The following BICRAL variants were observed in gnomAD, a reference collection of about 807,000 sequenced individuals.
The protein encoded by BICRAL is BRD4-interacting chromatin-remodeling complex-associated protein-like.
In BICRAL, 8 loss-of-function variants were observed where a neutral mutation model predicts 91.8. The observed-to-expected ratio is 0.09, with a 90% CI of 0.05 to 0.16. BICRAL has a LOEUF of 0.16. Among genes scored for constraint, BICRAL ranks in the 10% least tolerant of loss-of-function variants. BICRAL has a pLI of 1.00. For synonymous variants in BICRAL, 445 were observed against 491.1 expected (o/e 0.91, Z 1.24); for missense variants, 1,038 against 1,310.9 (o/e 0.79, Z 3.21).
chr6:42,825,259 CAA>C (rs398001338), intron 5 of BICRAL, among the ~76,000 whole-genome samples: 10 of 52,756 alleles, frequency 1.9e-4, no homozygotes, highest in Admixed American at 2.4e-4. Context: ...GACTCTGTCT[CAA>C]AAAAAAAAAA....
At chr6:42,763,489 G>T (rs1562450427) in intron 1 of BICRAL, among the ~76,000 whole-genome samples, 1 of 152,142 alleles carries the variant, frequency 6.6e-6, no homozygotes, top group Non-Finnish European at 1.5e-5. Context: ...GGATTTTATT[G>T]TTTGCTATGA....
At chr6:42,790,805 C>G (rs1763250271) in intron 1 of BICRAL, among the ~76,000 whole-genome samples, 1 of 151,718 alleles carries the variant, frequency 6.6e-6, no homozygotes, top group South Asian at 2.1e-4. Context: ...TGGCATGGCT[C>G]TTGCTTGATG....
chr6:42,759,152 G>A (rs78459799), intron 1 of BICRAL, among the ~76,000 whole-genome samples: 1,553 of 152,290 alleles, frequency 0.01, 13 homozygotes, highest in Non-Finnish European at 0.014. Flanking sequence ...AAGTCACTGT[G>A]TCAGGAACTG....
At chr6:42,837,253 T>C (rs1162956949) in intron 6 of BICRAL, among the ~76,000 whole-genome samples, 1 of 152,054 alleles carries the variant, frequency 6.6e-6, no homozygotes, top group Non-Finnish European at 1.5e-5. Context: ...AGTTTTTCTG[T>C]GTAATATTTC....
At chr6:42,788,222 CTTT>C (rs11304715) in intron 1 of BICRAL, among the ~76,000 whole-genome samples, 5 of 113,374 alleles carry the variant, frequency 4.4e-5, no homozygotes, top group Admixed American at 9.6e-5. Context: ...GAGCAGCATT[CTTT>C]TTTTTTTTTT....
intron 6 of BICRAL, among the ~76,000 whole-genome samples, chr6:42,847,701 G>T (rs984528467): frequency 1.3e-5 from 2 of 152,118 alleles, no homozygotes; most frequent in African/African-American, 4.8e-5. Flanking sequence ...GAGGCAGGTG[G>T]ATCATGAAGT....
chr6:42,841,067 T>G (rs1205111733), intron 6 of BICRAL, among the ~76,000 whole-genome samples: 1 of 88,760 alleles, frequency 1.1e-5, no homozygotes, highest in Non-Finnish European at 2.0e-5. Context: ...AGAGCAAGAC[T>G]CAATCTTTAA....
At chr6:42,775,657 C>CTT (rs548746964) in intron 1 of BICRAL, among the ~76,000 whole-genome samples, 3 of 151,378 alleles carry the variant, frequency 2.0e-5, no homozygotes, top group African/African-American at 7.3e-5. Flanking sequence ...GTGCTGAATG[C>CTT]TTTTTTTTTA....
At chr6:42,747,348 C>T (rs562640483) in intron 1 of BICRAL, among the ~76,000 whole-genome samples, 4 of 152,312 alleles carry the variant, frequency 2.6e-5, no homozygotes, top group African/African-American at 4.8e-5. Context: ...AGGTTTCCTC[C>T]TTATATCCCC....
Position 42,822,807 on chromosome 6 carries a change from C to A in BICRAL, c.53C>A (p.Ala18Glu). Residue 18 changes from alanine to glutamate, a missense_variant, in exon 4 of 13, where the codon GCA becomes GAA. Around this residue, in one of 5 missense-constraint regions of BICRAL, gnomAD observed 115 missense variants for 121.5 expected, o/e 0.95. Coordinates refer to ENST00000314073, the MANE Select transcript of BICRAL (RefSeq NM_001393499.1). Reference sequence around the variant, plus strand: ...CCTCTCTTTTCTAGAGACCCACAAGCATTGAACTATTTTCTACATGGACCT... The same window carrying A: ...CCTCTCTTTTCTAGAGACCCACAAGAATTGAACTATTTTCTACATGGACCT... ...CLLDLIGDPQ[A>E]LNYFLHGPSN... 6.4e-7 allele frequency: 1 copy of A among 1,551,190 alleles called. No homozygotes were observed. The highest frequency in any genetic ancestry group is 8.9e-7 in the Non-Finnish European group (1 of 1,124,212).
At chr6:42,747,619 C>A (rs1046846972) in intron 1 of BICRAL, among the ~76,000 whole-genome samples, 7 of 152,154 alleles carry the variant, frequency 4.6e-5, no homozygotes, top group Admixed American at 1.3e-4. Flanking sequence ...GTGGCAGATT[C>A]CCCGCGCAGG....
At chr6:42,781,099 A>C (rs1385130878), upstream of BICRAL, among the ~76,000 whole-genome samples, 1 of 151,976 alleles carries the variant, frequency 6.6e-6, no homozygotes, top group Non-Finnish European at 1.5e-5. Context: ...CAACAATTTG[A>C]GATTTGAGAT....
chr6:42,826,258 A>G (rs1764299543), intron 5 of BICRAL, among the ~76,000 whole-genome samples: 1 of 133,548 alleles, frequency 7.5e-6, no homozygotes, highest in African/African-American at 2.6e-5. Flanking sequence ...TTTTGAGACA[A>G]GAGTCTCGCT....
upstream of BICRAL, among the ~76,000 whole-genome samples, chr6:42,781,233 A>C (rs1338383239): frequency 2.0e-5 from 3 of 152,170 alleles, no homozygotes; most frequent in Non-Finnish European, 4.4e-5. Context: ...TATCTACATA[A>C]AGAGAAGGCA....
At chr6:42,782,543 C>T (rs1330767928) in intron 1 of BICRAL, among the ~76,000 whole-genome samples, 2 of 150,216 alleles carry the variant, frequency 1.3e-5, no homozygotes, top group Non-Finnish European at 1.5e-5. Flanking sequence ...GGGGTGGGGG[C>T]CCGGCGCCTT....
chr6:42,759,038 G>T (rs1183646546), intron 1 of BICRAL, among the ~76,000 whole-genome samples: 1 of 152,226 alleles, frequency 6.6e-6, no homozygotes, highest in African/African-American at 2.4e-5. Context: ...AGGCTTTACA[G>T]CATCCTAATG....
intron 6 of BICRAL, among the ~76,000 whole-genome samples, chr6:42,848,394 G>A (rs895937141): frequency 5.9e-5 from 9 of 152,116 alleles, no homozygotes; most frequent in Admixed American, 4.6e-4. Context: ...CAGCCTCAGT[G>A]ACAGAGCAAG....
chr6:42,849,351 G>T (rs1389368374), intron 6 of BICRAL, among the ~76,000 whole-genome samples: 2 of 151,966 alleles, frequency 1.3e-5, no homozygotes, highest in Non-Finnish European at 2.9e-5. Context: ...CTCCCAAAGT[G>T]TCAGGATTAC....
intron 6 of BICRAL, among the ~76,000 whole-genome samples, chr6:42,842,774 T>C (rs1024560189): frequency 6.6e-6 from 1 of 152,188 alleles, no homozygotes; most frequent in Non-Finnish European, 1.5e-5. Context: ...TCAAACAGTA[T>C]TTGAGTACCT....
Sources: gnomAD v4.1 joint callset for allele counts (sites outside exome capture counted in the v4.1 genomes callset) on GRCh38, gnomAD v4.1.1 for gene constraint, gnomAD v4.1.1 regional missense constraint, MANE v1.5 for transcripts, NCBI Gene and HGNC (gene_info 2026-07-23, HGNC 2026-07-21) for gene names.